Variants in RELL1 observed in about 807,000 individuals in gnomAD.
RELL1 encodes RELT like 1, also known as RELT-like protein 1.
Under a neutral mutation model 23.0 loss-of-function variants are expected in RELL1, and 10 were observed. That is an observed-to-expected ratio of 0.43 (90% CI 0.27 to 0.74). The LOEUF is 0.74. RELL1 is among the 30% of genes least tolerant of loss of function. The probability of loss-of-function intolerance (pLI) is 0.19; values close to 1 mark genes in which losing one functional copy is unlikely to be tolerated. For synonymous variants in RELL1, 146 were observed against 146.8 expected (o/e 0.99, Z 0.04); for missense variants, 315 against 364.4 (o/e 0.86, Z 1.10).
intron 6 of RELL1, among the ~76,000 whole-genome samples, chr4:37,617,177 A>C (rs972559492): frequency 6.6e-6 from 1 of 152,158 alleles, no homozygotes; most frequent in Non-Finnish European, 1.5e-5. Flanking sequence ...TATTACCAAA[A>C]ACTTCAGATT....
At position 37,599,227 on chromosome 4, in the gene RELL1, G is replaced by A. The variant is rs983680330; in HGVS notation, c.*4-8010C>T. Among the ~76,000 whole-genome samples the A allele has an allele frequency of 1.1e-4, 16 of 152,294 alleles. No homozygotes were observed. In the East Asian group the frequency reaches 2.1e-3, roughly 20 times the overall value. On this transcript the variant is annotated intron_variant, in intron 6 of 6. Transcript: ENST00000314117. ...TAATAGGTCTGCTGCCCAACGTGCCGCAAGTCAATAGCTGAGACACGGGGT... is the reference window on the plus strand; with the variant it reads ...TAATAGGTCTGCTGCCCAACGTGCCACAAGTCAATAGCTGAGACACGGGGT...
At chr4:37,617,745 T>C (rs945580511) in intron 6 of RELL1, among the ~76,000 whole-genome samples, 1 of 152,250 alleles carries the variant, frequency 6.6e-6, no homozygotes, top group African/African-American at 2.4e-5. Context: ...ATTGCACCAC[T>C]GTACTCCAGC....
intron 1 of RELL1, among the ~76,000 whole-genome samples, chr4:37,661,644 C>A (rs1048918063): frequency 6.6e-6 from 1 of 152,140 alleles, no homozygotes; most frequent in African/African-American, 2.4e-5. Context: ...GAAACCAAAG[C>A]AAATTCTACA....
intron 1 of RELL1, among the ~76,000 whole-genome samples, chr4:37,673,847 CA>C (rs1721927713): frequency 6.6e-6 from 1 of 152,216 alleles, no homozygotes; most frequent in African/African-American, 2.4e-5. Flanking sequence ...AGTGCAGTTT[CA>C]GGGGCTCTGT....
intron 6 of RELL1, among the ~76,000 whole-genome samples, chr4:37,617,362 G>A (rs909525026): frequency 2.0e-5 from 3 of 152,186 alleles, no homozygotes; most frequent in Admixed American, 6.5e-5. Context: ...AATTAAATCC[G>A]CTTCCAAAGG....
At chr4:37,599,798 T>A (rs1224656676) in intron 6 of RELL1, among the ~76,000 whole-genome samples, 1 of 152,168 alleles carries the variant, frequency 6.6e-6, no homozygotes, top group Admixed American at 6.5e-5. Flanking sequence ...TTGAGGCAGA[T>A]CCAGGGGCCA....
chr4:37,644,178 T>TA (rs1720617342), intron 3 of RELL1, among the ~76,000 whole-genome samples: 1 of 151,586 alleles, frequency 6.6e-6, no homozygotes, highest in South Asian at 2.1e-4. Context: ...CAACATCATT[T>TA]AAAAAGAAAA....
chr4:37,625,798 CAT>C (rs1368145125), intron 6 of RELL1, among the ~76,000 whole-genome samples: 5 of 152,080 alleles, frequency 3.3e-5, no homozygotes, highest in Non-Finnish European at 7.3e-5. Flanking sequence ...TGATGTAATA[CAT>C]ATGTCAATCA....
chr4:37,613,596 T>TTC (rs941751645), intron 6 of RELL1, among the ~76,000 whole-genome samples: 8 of 152,258 alleles, frequency 5.3e-5, no homozygotes, highest in Non-Finnish European at 1.0e-4. Flanking sequence ...CCCTCCCCCT[T>TTC]TCTCTCTCTT....
intron 1 of RELL1, among the ~76,000 whole-genome samples, chr4:37,669,153 C>G (rs1246691912): frequency 8.2e-6 from 1 of 121,418 alleles, no homozygotes; most frequent in Admixed American, 7.7e-5. Flanking sequence ...CCCCTCTGCC[C>G]GGCCAGCCGC....
intron 6 of RELL1, among the ~76,000 whole-genome samples, chr4:37,618,181 G>GTGTC (rs1313132606): frequency 6.6e-6 from 1 of 152,028 alleles, no homozygotes; most frequent in Non-Finnish European, 1.5e-5. Flanking sequence ...TAGATGCTCT[G>GTGTC]TGTCTGTACA....
chr4:37,629,675 C>T (rs370025016), intron 6 of RELL1, among the ~76,000 whole-genome samples: 4 of 152,096 alleles, frequency 2.6e-5, no homozygotes, highest in African/African-American at 9.7e-5. Context: ...GGCAAAACCG[C>T]GAGGGCTAAC....
chr4:37,592,075 G>A (rs564405245), intron 6 of RELL1, among the ~76,000 whole-genome samples: 2 of 152,134 alleles, frequency 1.3e-5, no homozygotes, highest in South Asian at 2.1e-4. Context: ...GGGCACGGTG[G>A]CGGGCGCCTG....
Position 37,619,805 on chromosome 4 carries a change from G to A in RELL1, c.*4-6463C>T, listed in dbSNP as rs373798918. Among the ~76,000 whole-genome samples the A allele has an allele frequency of 1.1e-4, 17 of 151,932 alleles. No individual in the cohort carries two copies. In the East Asian group the frequency reaches 1.2e-3, roughly 10 times the overall value. On this transcript the variant is annotated intron_variant, in intron 6 of 6. Transcript: ENST00000454158. Reference sequence around the variant, plus strand: ...AGGCTGGTCTCAAACTCCTGGCCTCGAGCCATCCTCCCACCTCAGCCTCCC... The same window carrying A: ...AGGCTGGTCTCAAACTCCTGGCCTCAAGCCATCCTCCCACCTCAGCCTCCC...
chr4:37,586,800 C>T (rs1718360713), downstream of RELL1, among the ~76,000 whole-genome samples: 1 of 152,136 alleles, frequency 6.6e-6, no homozygotes, highest in African/African-American at 2.4e-5. Flanking sequence ...ATCCCAGCTA[C>T]TGGGGAGGCT....
At chr4:37,614,290 G>A (rs1371156184) in intron 6 of RELL1, among the ~76,000 whole-genome samples, 1 of 151,708 alleles carries the variant, frequency 6.6e-6, no homozygotes, top group Non-Finnish European at 1.5e-5. Context: ...TATTCATTTG[G>A]TCAACCATAA....
intron 6 of RELL1, among the ~76,000 whole-genome samples, chr4:37,600,044 C>T (rs934054249): frequency 3.3e-5 from 5 of 152,284 alleles, no homozygotes; most frequent in South Asian, 2.1e-4. Flanking sequence ...CCGAGGCAGG[C>T]GCATCACTTG....
rs376872245 is a variant in RELL1 at position 37,611,743 on chromosome 4, GAAAA to G, written c.*1599_*1602del. 1.3e-5 allele frequency among the ~76,000 whole-genome samples: 2 copies of G among 151,182 alleles called. No homozygotes were observed. The highest frequency in any genetic ancestry group is 4.9e-5 in the African/African-American group (2 of 41,226). ...AATGTACAGTTATAAAAAAAAAAAAGAAAAAGAAAAGTTTGCCAGGCCTAAAGGG... is the reference window on the plus strand; with the variant it reads ...AATGTACAGTTATAAAAAAAAAAAAGAGAAAAGTTTGCCAGGCCTAAAGGG... On this transcript the variant is annotated 3_prime_UTR_variant, in exon 7 of 7. Transcript: ENST00000454158.
At position 37,638,591 on chromosome 4, in the gene RELL1, A is replaced by C. The variant is rs149716890; in HGVS notation, c.386-87T>G. 1.3e-5 allele frequency: 13 copies of C among 1,014,260 alleles called. No homozygotes were observed. In the African/African-American group the frequency reaches 1.6e-4, roughly 13 times the overall value. 62.8% of individuals were successfully genotyped at this position (1,014,260 alleles called of 1,614,324 possible). A position where few individuals can be genotyped will look rare whatever the true frequency, so the allele number is the denominator to read the frequency against. ...AGAAAAGCTGTTGAAAACACATCTAATTCCATTCTTTCAGTTCATAGATGA... is the reference window on the plus strand; with the variant it reads ...AGAAAAGCTGTTGAAAACACATCTACTTCCATTCTTTCAGTTCATAGATGA... On this transcript the variant is annotated intron_variant, in intron 3 of 6. Transcript: ENST00000454158.
Sources: allele counts gnomAD v4.1 joint callset (sites outside exome capture counted in the v4.1 genomes callset), GRCh38; gene constraint gnomAD v4.1.1; transcripts MANE v1.5; gene names NCBI Gene and HGNC (gene_info 2026-07-23, HGNC 2026-07-21).